The following ARHGAP22 variants were observed in gnomAD, a reference collection of about 807,000 sequenced individuals.
The protein encoded by ARHGAP22 is rho GTPase-activating protein 22.
In ARHGAP22, 48 loss-of-function variants were observed where a neutral mutation model predicts 59.1. The observed-to-expected ratio is 0.81, with a 90% confidence interval of 0.64 to 1.03. The LOEUF (loss-of-function observed/expected upper bound fraction) is 1.03. Ranked by LOEUF, ARHGAP22 falls within the 50% of genes least tolerant of loss-of-function variation. The probability of loss-of-function intolerance (pLI) is 0.00; values close to 1 mark genes in which losing one functional copy is unlikely to be tolerated. For synonymous variants in ARHGAP22, 445 were observed against 416.4 expected (o/e 1.07, Z -0.84); for missense variants, 1,015 against 958.7 (o/e 1.06, Z -0.78).
At chr10:48,459,928 C>T in intron 4 of ARHGAP22, 37 bp from the exon 5 acceptor site, 1 of 1,593,418 alleles carries the variant, frequency 6.3e-7, no homozygotes, top group Non-Finnish European at 8.6e-7. Flanking sequence ...CCCTCCACCA[C>T]CCAGCTCAGT....
At chr10:48,575,782 T>G (rs879581016) in intron 2 of ARHGAP22, 1 of 152,200 alleles carries the variant, frequency 6.6e-6, no homozygotes, top group Non-Finnish European at 1.5e-5. Flanking sequence ...GAAGTGTGGA[T>G]TCCAAACTCC....
intron 3 of ARHGAP22, among the ~76,000 whole-genome samples, chr10:48,491,260 C>T (rs750769219): frequency 2.0e-5 from 3 of 152,206 alleles, no homozygotes; most frequent in Non-Finnish European, 4.4e-5. Context: ...CAAGCACACC[C>T]GGCATGCTCC....
At chr10:48,511,975 G>A (rs1259189270) in intron 3 of ARHGAP22, among the ~76,000 whole-genome samples, 1 of 152,242 alleles carries the variant, frequency 6.6e-6, no homozygotes, top group Admixed American at 6.5e-5. Context: ...AGCAGACTTA[G>A]TGGGCAGGGA....
chr10:48,632,426 T>G (rs887494893), intron 1 of ARHGAP22, among the ~76,000 whole-genome samples: 1 of 152,156 alleles, frequency 6.6e-6, no homozygotes, highest in South Asian at 2.1e-4. Context: ...TTTTCAACAG[T>G]TGAAATATTT....
At chr10:48,526,577 C>T (rs538852548) in intron 3 of ARHGAP22, among the ~76,000 whole-genome samples, 101 of 152,300 alleles carry the variant, frequency 6.6e-4, no homozygotes, top group African/African-American at 2.3e-3. Context: ...CCAGGAATTC[C>T]AAGCTAGAGC....
intron 2 of ARHGAP22, among the ~76,000 whole-genome samples, chr10:48,570,220 G>A (rs1041504976): frequency 6.6e-5 from 10 of 152,050 alleles, no homozygotes; most frequent in Non-Finnish European, 1.3e-4. Context: ...TAAAATAGCT[G>A]CAAAAATACA....
At chr10:48,502,128 A>G (rs2051587415) in intron 3 of ARHGAP22, among the ~76,000 whole-genome samples, 1 of 152,184 alleles carries the variant, frequency 6.6e-6, no homozygotes, top group Non-Finnish European at 1.5e-5. Context: ...ATGTCCTCCA[A>G]ATGGTTTCAG....
At chr10:48,606,605 G>A (rs547166374), upstream of ARHGAP22, among the ~76,000 whole-genome samples, 13 of 152,176 alleles carry the variant, frequency 8.5e-5, no homozygotes, top group Admixed American at 3.9e-4. Flanking sequence ...GTGTGCCCCA[G>A]TGACTTTGCA....
chr10:48,451,569 G>C, intron 8 of ARHGAP22: 1 of 702,380 alleles, frequency 1.4e-6, no homozygotes, highest in Non-Finnish European at 2.6e-6. Context: ...CACACTCTGG[G>C]AGCATAGGGC....
chr10:48,434,756 C>T, the ARHGAP22 span: 729 of 647,064 alleles, frequency 1.1e-3, 1 homozygote, highest in Middle Eastern at 2.3e-3. Flanking sequence ...ATATCATTTG[C>T]GATTATTTTT....
At chr10:48,626,892 C>T (rs2136069277) in intron 1 of ARHGAP22, among the ~76,000 whole-genome samples, 1 of 152,262 alleles carries the variant, frequency 6.6e-6, no homozygotes, top group African/African-American at 2.4e-5. Context: ...GGGGGTGAAC[C>T]AGCCATGTGA....
At chr10:48,505,490 T>C (rs1295831835) in intron 3 of ARHGAP22, among the ~76,000 whole-genome samples, 1 of 152,020 alleles carries the variant, frequency 6.6e-6, no homozygotes, top group Non-Finnish European at 1.5e-5. Flanking sequence ...TGCGCCTGAC[T>C]CTGCTCTCCT....
chr10:48,555,899 G>T (rs1345001876), intron 2 of ARHGAP22, among the ~76,000 whole-genome samples: 6 of 152,224 alleles, frequency 3.9e-5, no homozygotes, highest in African/African-American at 7.2e-5. Context: ...AGGCTGGACA[G>T]GGTCAGGGAG....
At chr10:48,468,267 G>A (rs368003910) in intron 4 of ARHGAP22, among the ~76,000 whole-genome samples, 1 of 152,188 alleles carries the variant, frequency 6.6e-6, no homozygotes, top group African/African-American at 2.4e-5. Context: ...ACCTGTGGCT[G>A]TGTTATCTTA....
chr10:48,519,247 G>C (rs973401934), intron 3 of ARHGAP22, among the ~76,000 whole-genome samples: 2 of 152,194 alleles, frequency 1.3e-5, no homozygotes, highest in Non-Finnish European at 2.9e-5. Flanking sequence ...AGACAGAGCA[G>C]GGCACTCTGT....
intron 3 of ARHGAP22, among the ~76,000 whole-genome samples, chr10:48,490,999 G>A (rs928564860): frequency 2.0e-5 from 3 of 152,128 alleles, no homozygotes; most frequent in African/African-American, 7.2e-5. Context: ...CTGCTCACCT[G>A]GTCTGGGCCA....
intron 2 of ARHGAP22, among the ~76,000 whole-genome samples, chr10:48,558,539 T>A (rs956379342): frequency 1.2e-4 from 19 of 152,052 alleles, no homozygotes; most frequent in African/African-American, 3.9e-4. Flanking sequence ...TGCTATTTTT[T>A]AATTTTCAGT....
intron 3 of ARHGAP22, chr10:48,493,558 C>T: frequency 1.3e-6 from 2 of 1,519,094 alleles, no homozygotes; most frequent in South Asian, 1.2e-5. Flanking sequence ...GTGCAGAAAA[C>T]CACCAGGTGC....
rs760644302 is a variant in ARHGAP22 at position 48,455,117 on chromosome 10, G to A, written c.677C>T (p.Thr226Met). 5.3e-5 allele frequency: 85 copies of A among 1,611,180 alleles called. No homozygotes were observed. Among genetic ancestry groups the A allele is most frequent in the Non-Finnish European group, 6.5e-5 (77 of 1,179,058 alleles). The stretch of plus-strand genomic sequence containing the variant: ...GTACAGCTTCAGCAGGGAGGCCACC[G>A]TGTGCACGTCTGTTGTGCTGTGGGG... ...PLFDSTTDVH[T>M]VASLLKLYLR... is the part of the protein sequence containing the mutation. Residue 226 changes from threonine to methionine, a missense_variant, in exon 6 of 10, where the codon ACG (threonine) becomes ATG (methionine). Physicochemically the swap from Thr to Met is moderately conservative, Grantham distance 81. Transcript: ENST00000249601.
Sources: gnomAD v4.1 joint callset for allele counts (sites outside exome capture counted in the v4.1 genomes callset) on GRCh38, gnomAD v4.1.1 for gene constraint, MANE v1.5 for transcripts, NCBI Gene and HGNC (gene_info 2026-07-23, HGNC 2026-07-21) for gene names.